Variants in PLXNA4 observed in about 807,000 individuals in gnomAD.
The protein encoded by PLXNA4 is plexin A4, also known as plexin-A4.
Under a neutral mutation model 191.8 loss-of-function variants are expected in PLXNA4, and 44 were observed. That is an observed-to-expected ratio of 0.23 (90% confidence interval 0.18 to 0.29). The LOEUF is 0.29. Among genes scored for constraint, PLXNA4 ranks in the 10% least tolerant of loss-of-function variants. PLXNA4 has a pLI of 1.00. For missense variants in PLXNA4, 1,800 were observed against 2,488.8 expected (o/e 0.72, Z 5.89); for synonymous variants, 1,082 against 1,009.5 (o/e 1.07, Z -1.36).
intron 3 of PLXNA4, chr7:132,384,425 C>G: frequency 1.0e-6 from 1 of 985,618 alleles, no homozygotes; most frequent in Non-Finnish European, 1.2e-6. Context: ...TCCTCCCCAC[C>G]GGCTCTATGG....
intron 3 of PLXNA4, among the ~76,000 whole-genome samples, chr7:132,437,424 G>T (rs553927381): frequency 6.6e-6 from 1 of 152,162 alleles, no homozygotes; most frequent in Non-Finnish European, 1.5e-5. Context: ...ATGCAAGCAC[G>T]TGCACAGACA....
rs1585425699 is a variant in PLXNA4 at position 132,643,973 on chromosome 7, CAA to C, written c.-87+1953_-87+1954del. Reference sequence around the variant, plus strand: ...CTTAAAAAAAAAGAATGGAAATTTTCAAAAGTCAGAATATATCACACACTAGT... The same window carrying C: ...CTTAAAAAAAAAGAATGGAAATTTTCAAGTCAGAATATATCACACACTAGT... On this transcript the variant is annotated intron_variant, in intron 2 of 4. Transcript: ENST00000378539. 2.6e-5 allele frequency among the ~76,000 whole-genome samples: 4 copies of C among 151,962 alleles called. No individual in the cohort carries two copies. The East Asian group carries it at 7.7e-4, about 29-fold the overall frequency.
intron 3 of PLXNA4, among the ~76,000 whole-genome samples, chr7:132,413,587 C>T (rs954319502): frequency 3.3e-5 from 5 of 152,184 alleles, no homozygotes; most frequent in African/African-American, 9.7e-5. Context: ...GGAAAACACA[C>T]CTAAGCAATT....
At chr7:132,587,166 G>A (rs760867042) in intron 2 of PLXNA4, among the ~76,000 whole-genome samples, 43 of 152,206 alleles carry the variant, frequency 2.8e-4, no homozygotes, top group African/African-American at 9.6e-4. Flanking sequence ...GAGAGTGGCC[G>A]AGCCCAGAAG....
At chr7:132,634,109 C>G (rs1256496692) in intron 2 of PLXNA4, among the ~76,000 whole-genome samples, 2 of 152,064 alleles carry the variant, frequency 1.3e-5, no homozygotes, top group Non-Finnish European at 2.9e-5. Context: ...CAGCCTGGAG[C>G]CTCATTCCTT....
At chr7:132,322,184 C>CTTTTTTTTTTTTTTTTTTTTTT (rs5887566) in intron 3 of PLXNA4, among the ~76,000 whole-genome samples, 1,552 of 122,168 alleles carry the variant, frequency 0.013, 75 homozygotes, top group Admixed American at 0.03. Context: ...CCTAAAAGGG[C>CTTTTTTTTTTTTTTTTTTTTTT]TTTTTTTTTT....
intron 3 of PLXNA4, among the ~76,000 whole-genome samples, chr7:132,300,798 C>T (rs1178042786): frequency 6.6e-6 from 1 of 152,238 alleles, no homozygotes; most frequent in Non-Finnish European, 1.5e-5. Flanking sequence ...GGTCTCCAGC[C>T]CCCTCAGGCC....
chr7:132,208,773 C>T (rs1436022900), intron 10 of PLXNA4, among the ~76,000 whole-genome samples: 1 of 152,164 alleles, frequency 6.6e-6, no homozygotes, highest in Non-Finnish European at 1.5e-5. Flanking sequence ...CCAGCCGTTC[C>T]CTTCCTTTTC....
At chr7:132,515,306 G>A (rs1324150977) in intron 1 of PLXNA4, among the ~76,000 whole-genome samples, 1 of 152,148 alleles carries the variant, frequency 6.6e-6, no homozygotes, top group Non-Finnish European at 1.5e-5. Flanking sequence ...CCCAGGCCTG[G>A]CGACATCCTA....
chr7:132,185,024 G>A (rs1006142435), intron 16 of PLXNA4, among the ~76,000 whole-genome samples: 3 of 152,200 alleles, frequency 2.0e-5, no homozygotes, highest in African/African-American at 7.2e-5. Flanking sequence ...GCAGCATAGG[G>A]ACATGGCCTC....
In PLXNA4 at chr7:132,640,864, A is replaced by G. The variant is rs140084968; in HGVS notation, c.-87+5064T>C. Among the ~76,000 whole-genome samples, 212 of 152,316 alleles carry G rather than the reference A, an allele frequency of 1.4e-3. 1 individual carries two copies. Among genetic ancestry groups the G allele is most frequent in the African/African-American group, 4.8e-3 (198 of 41,572 alleles). ...TACACTTATTGAAAAACTCTTTTAG[A>G]ATCATTTAGTTTTGTGTTGCTCTTA... is the stretch of plus-strand genomic sequence containing the variant. On this transcript the variant is annotated intron_variant, in intron 2 of 4. Coordinates refer to the PLXNA4 transcript ENST00000378539.
At chr7:132,242,446 C>A (rs770061437) in intron 4 of PLXNA4, among the ~76,000 whole-genome samples, 16 of 152,196 alleles carry the variant, frequency 1.1e-4, no homozygotes, top group Non-Finnish European at 1.5e-4. Flanking sequence ...CACGCACAGG[C>A]AAACTGGCAC....
intron 3 of PLXNA4, among the ~76,000 whole-genome samples, chr7:132,458,721 G>T (rs1156431616): frequency 6.6e-6 from 1 of 151,962 alleles, no homozygotes; most frequent in Non-Finnish European, 1.5e-5. Context: ...TTTCAGTACA[G>T]GCAACATGGA....
chr7:132,479,725 C>T (rs546575003), intron 3 of PLXNA4, among the ~76,000 whole-genome samples: 1 of 152,354 alleles, frequency 6.6e-6, no homozygotes, highest in East Asian at 1.9e-4. Flanking sequence ...TCTCGGCTCA[C>T]TGCAACCTCT....
chr7:132,155,092 C>G (rs12666252), intron 25 of PLXNA4, among the ~76,000 whole-genome samples: 91,577 of 152,136 alleles, frequency 0.6, 32,977 homozygotes, highest in East Asian at 0.82. Context: ...ATCCTTTCAG[C>G]TTGCTCGACT....
In PLXNA4 at chr7:132,262,854, G is replaced by A. The variant is rs148938630; in HGVS notation, c.1504-21688C>T. Among the ~76,000 whole-genome samples the A allele has an allele frequency of 4.1e-3, 629 of 152,114 alleles. 3 individuals carry two copies. Among genetic ancestry groups the A allele is most frequent in the Non-Finnish European group, 5.3e-3 (359 of 68,006 alleles). ...TGCCAGTCCCTAGAGACCACTTGTCGTTCATGACTCCCTAAGGTCAGTGGT... is the reference window on the plus strand; with the variant it reads ...TGCCAGTCCCTAGAGACCACTTGTCATTCATGACTCCCTAAGGTCAGTGGT... On this transcript the variant is annotated intron_variant, in intron 4 of 31. Transcript: ENST00000321063.
At chr7:132,135,403 TTCTC>T (rs1233651678) in intron 30 of PLXNA4, among the ~76,000 whole-genome samples, 2 of 152,162 alleles carry the variant, frequency 1.3e-5, no homozygotes, top group African/African-American at 4.8e-5. Context: ...CTCCTGTAAT[TTCTC>T]TCACCAGCTG....
intron 12 of PLXNA4, among the ~76,000 whole-genome samples, chr7:132,201,112 G>T (rs1177379935): frequency 1.3e-5 from 2 of 152,108 alleles, no homozygotes; most frequent in Non-Finnish European, 2.9e-5. Context: ...GGCCACAGAG[G>T]AATGCACAAA....
In PLXNA4 at chr7:132,127,946, TTTTC is replaced by T. The variant is rs1165034981; in HGVS notation, c.*2529_*2532del. The T allele has an allele frequency of 1.3e-4, 19 of 151,548 alleles. No homozygotes were observed. Among genetic ancestry groups the T allele is most frequent in the African/African-American group, 4.6e-4 (19 of 41,252 alleles). The allele number at this position is 151,548 out of a possible 1,614,324, so 9.4% of individuals were successfully genotyped here. On this transcript the variant is annotated 3_prime_UTR_variant, in exon 32 of 32. Transcript: ENST00000321063. ...CTTCAGCAGAACCGTGATAAGTCTT[TTTTC>T]TTTTTTTTTTCTGCTTGTTTGATTT...
Sources: gnomAD v4.1 joint callset for allele counts (sites outside exome capture counted in the v4.1 genomes callset) on GRCh38, gnomAD v4.1.1 for gene constraint, MANE v1.5 for transcripts, NCBI Gene and HGNC (gene_info 2026-07-23, HGNC 2026-07-21) for gene names.